FAM110B: variants seen among roughly 807,000 people sequenced by gnomAD.
FAM110B encodes family with sequence similarity 110 member B, also known as protein FAM110B.
In FAM110B, 6 loss-of-function variants were observed where a neutral mutation model predicts 20.4. The observed-to-expected ratio is 0.29, with a 90% CI of 0.16 to 0.58. The LOEUF is 0.58. FAM110B is among the 20% of genes least tolerant of loss of function. The pLI, the probability that FAM110B is intolerant of heterozygous loss-of-function variation, is 0.90. For synonymous variants in FAM110B, 226 were observed against 214.1 expected, an observed-to-expected ratio of 1.06 and a Z score of -0.49; for missense variants, 434 against 498.2, an observed-to-expected ratio of 0.87 and a Z score of 1.23.
At chr8:58,035,023 C>G (rs977141452) in intron 2 of FAM110B, among the ~76,000 whole-genome samples, 4 of 152,140 alleles carry the variant, frequency 2.6e-5, no homozygotes, top group Non-Finnish European at 5.9e-5. Flanking sequence ...TTCATAAAAG[C>G]TTTGGTTATG....
intron 2 of FAM110B, among the ~76,000 whole-genome samples, chr8:58,053,463 G>A (rs770611253): frequency 2.0e-5 from 3 of 152,224 alleles, no homozygotes; most frequent in Non-Finnish European, 4.4e-5. Flanking sequence ...GTGGGGTCAC[G>A]TTTAGGAGAG....
At chr8:58,096,173 A>C (rs1203790389) in intron 3 of FAM110B, among the ~76,000 whole-genome samples, 1 of 152,014 alleles carries the variant, frequency 6.6e-6, no homozygotes, top group Non-Finnish European at 1.5e-5. Context: ...CAGCATACCA[A>C]TGGTCTTGAC....
At chr8:58,055,214 G>A (rs73236449) in intron 2 of FAM110B, among the ~76,000 whole-genome samples, 14 of 152,250 alleles carry the variant, frequency 9.2e-5, no homozygotes, top group African/African-American at 3.1e-4. Context: ...AGAGAGCAGC[G>A]TGGTTTCACT....
chr8:58,096,389 G>A (rs1196419937), intron 3 of FAM110B, among the ~76,000 whole-genome samples: 1 of 152,068 alleles, frequency 6.6e-6, no homozygotes, highest in Non-Finnish European at 1.5e-5. Flanking sequence ...TGTTGGCCAG[G>A]CTGGTCTTGA....
chr8:58,109,669 C>T (rs751443485), intron 3 of FAM110B, among the ~76,000 whole-genome samples: 19 of 152,142 alleles, frequency 1.2e-4, no homozygotes, highest in Admixed American at 1.2e-3. Flanking sequence ...AAAACGAGGC[C>T]AGGAATCCTG....
chr8:58,043,485 A>T (rs1314989342), intron 2 of FAM110B, among the ~76,000 whole-genome samples: 2 of 150,512 alleles, frequency 1.3e-5, no homozygotes, highest in Non-Finnish European at 3.0e-5. Context: ...TATATTTTTT[A>T]TTATTATACT....
chr8:58,140,781 G>C (rs1803727885), intron 3 of FAM110B, among the ~76,000 whole-genome samples: 2 of 152,198 alleles, frequency 1.3e-5, no homozygotes, highest in Non-Finnish European at 2.9e-5. Flanking sequence ...CCTGATGAGG[G>C]ATGCCCTCGC....
In FAM110B at chr8:58,146,800, C is replaced by T. The variant is rs1192327902; in HGVS notation, c.570C>T (p.Ala190=). Residue 190 remains alanine, a synonymous_variant, in exon 4 of 4, where the codon GCC becomes GCT. Transcript: ENST00000519262. ...GCAGGAGACTGCTGGAGCAGTCAGC[C>T]GAGTCCTTCCTCCACGTGTCCCACA... is the stretch of plus-strand genomic sequence containing the variant. ...HVGRRLLEQS[A]ESFLHVSHSS... The T allele has an allele frequency of 5.0e-6, 8 of 1,609,894 alleles. No individual in the cohort carries two copies. Among genetic ancestry groups the T allele is most frequent in the African/African-American group, 1.3e-5 (1 of 74,884 alleles).
intron 1 of FAM110B, among the ~76,000 whole-genome samples, chr8:58,006,920 TATA>T (rs1322983735): frequency 2.3e-5 from 2 of 88,616 alleles, no homozygotes; most frequent in Non-Finnish European, 2.6e-5. Flanking sequence ...TATATATATA[TATA>T]TTTTTCCAAA....
intron 1 of FAM110B, among the ~76,000 whole-genome samples, chr8:58,001,563 C>T (rs565152937): frequency 3.0e-4 from 46 of 152,216 alleles, no homozygotes; most frequent in African/African-American, 9.1e-4. Context: ...GTTACAAGAT[C>T]GAACTGTTTT....
intron 3 of FAM110B, among the ~76,000 whole-genome samples, chr8:58,103,781 C>T (rs1806845167): frequency 6.6e-6 from 1 of 152,164 alleles, no homozygotes; most frequent in Non-Finnish European, 1.5e-5. Flanking sequence ...GCCCCTTCTC[C>T]TCCTGCCTCC....
At chr8:58,027,948 G>A (rs1297907240) in intron 1 of FAM110B, among the ~76,000 whole-genome samples, 1 of 152,116 alleles carries the variant, frequency 6.6e-6, no homozygotes, top group Non-Finnish European at 1.5e-5. Flanking sequence ...TTTAAATTTT[G>A]TCCTGGGTAT....
intron 2 of FAM110B, among the ~76,000 whole-genome samples, chr8:58,075,267 T>TGTGTGTGTGTGTGTGTGTGTGAG (rs1554521043): frequency 7.5e-6 from 1 of 134,184 alleles, no homozygotes; most frequent in African/African-American, 3.6e-5. Flanking sequence ...TTTTGCTTTT[T>TGTGTGTGTGTGTGTGTGTGTGAG]TTTTTTTTTG....
intron 1 of FAM110B, among the ~76,000 whole-genome samples, chr8:58,024,654 C>T (rs1804819358): frequency 6.6e-6 from 1 of 152,200 alleles, no homozygotes; most frequent in Non-Finnish European, 1.5e-5. Context: ...AGTCAGCCAG[C>T]ATTGAGTGAG....
chr8:58,016,791 T>C (rs1315260336), intron 1 of FAM110B, among the ~76,000 whole-genome samples: 1 of 152,118 alleles, frequency 6.6e-6, no homozygotes, highest in Non-Finnish European at 1.5e-5. Flanking sequence ...ATGAGCAGCA[T>C]GGGCACAGCC....
intron 3 of FAM110B, among the ~76,000 whole-genome samples, chr8:58,101,198 A>G (rs745764299): frequency 1.3e-5 from 2 of 151,944 alleles, no homozygotes; most frequent in Non-Finnish European, 2.9e-5. Flanking sequence ...AAACCTGTTT[A>G]CTATTCCAAG....
intron 2 of FAM110B, among the ~76,000 whole-genome samples, chr8:58,048,049 C>T (rs914610836): frequency 5.9e-5 from 9 of 152,292 alleles, no homozygotes; most frequent in African/African-American, 1.9e-4. Context: ...ATTCTAAATA[C>T]TTCTTAGTCA....
chr8:58,049,267 A>G (rs1260392381), intron 2 of FAM110B, among the ~76,000 whole-genome samples: 1 of 152,264 alleles, frequency 6.6e-6, no homozygotes, highest in East Asian at 1.9e-4. Context: ...CTTTGCATGG[A>G]TGGATGAAAT....
intron 3 of FAM110B, among the ~76,000 whole-genome samples, chr8:58,124,710 C>A (rs999504751): frequency 6.6e-6 from 1 of 152,080 alleles, no homozygotes; most frequent in East Asian, 1.9e-4. Context: ...AACCTAGAAG[C>A]GTATGTTGTT....
Sources: allele counts gnomAD v4.1 joint callset (sites outside exome capture counted in the v4.1 genomes callset), GRCh38; gene constraint gnomAD v4.1.1; transcripts MANE v1.5; gene names NCBI Gene and HGNC (gene_info 2026-07-23, HGNC 2026-07-21).